The following ORC3 variants were observed in gnomAD, a reference collection of about 807,000 sequenced individuals.
ORC3 encodes the protein homolog of latheo, Drosophila.
Under a neutral mutation model 100.7 loss-of-function variants are expected in ORC3, and 78 were observed. That is an observed-to-expected ratio of 0.77 (90% CI 0.65 to 0.94). The LOEUF (loss-of-function observed/expected upper bound fraction) is 0.94. Among genes scored for constraint, ORC3 ranks in the 40% least tolerant of loss-of-function variants. ORC3 has a pLI of 0.00. For synonymous variants in ORC3, 295 were observed against 289.3 expected, an observed-to-expected ratio of 1.02 and a Z score of -0.20; for missense variants, 789 against 823.9, an observed-to-expected ratio of 0.96 and a Z score of 0.52.
chr6:87,651,993 G>A (rs1041914066), intron 13 of ORC3, among the ~76,000 whole-genome samples: 12 of 150,686 alleles, frequency 8.0e-5, no homozygotes, highest in East Asian at 1.9e-4. Flanking sequence ...CCGACTCCCC[G>A]GTTCCAGCGA....
chr6:87,598,701 G>A lies in ORC3; in HGVS notation c.80-3083G>A, dbSNP rs191835216. Among the ~76,000 whole-genome samples, 6 of 151,288 alleles carry A rather than the reference G, an allele frequency of 4.0e-5. No homozygotes were observed. The East Asian group carries it at 9.7e-4, about 24-fold the overall frequency. On this transcript the variant is annotated intron_variant, in intron 2 of 19. Transcript: ENST00000392844. ...TATGTGGCTCTAAGACCAACGGGTA[G>A]TGTTATAATACGAAAATCTTTGAGG...
At chr6:87,676,605 A>ACGCGCGCG in the ORC3 span, among the ~76,000 whole-genome samples, 42 of 73,962 alleles carry the variant, frequency 5.7e-4, no homozygotes, top group African/African-American at 1.6e-3. Flanking sequence ...AAACACACAC[A>ACGCGCGCG]CACACACACA....
chr6:87,654,377 T>C (rs1769505175), intron 14 of ORC3, among the ~76,000 whole-genome samples: 1 of 152,100 alleles, frequency 6.6e-6, no homozygotes, highest in Non-Finnish European at 1.5e-5. Context: ...TTCTTTCAGG[T>C]TATGTGTGGG....
intron 16 of ORC3, among the ~76,000 whole-genome samples, chr6:87,662,219 G>A (rs1045152899): frequency 6.6e-6 from 1 of 152,144 alleles, no homozygotes; most frequent in Non-Finnish European, 1.5e-5. Flanking sequence ...GAGGTCAAGA[G>A]TTCAAGACCA....
At chr6:87,639,870 C>T (rs1768108420) in intron 13 of ORC3, among the ~76,000 whole-genome samples, 1 of 148,408 alleles carries the variant, frequency 6.7e-6, no homozygotes, top group Non-Finnish European at 1.5e-5. Context: ...CATGGTGGTG[C>T]ACATCTGTGG....
chr6:87,666,936 C>T, intron 19 of ORC3, 82 bp from the exon 20 acceptor site: 28 of 733,568 alleles, frequency 3.8e-5, no homozygotes, highest in East Asian at 1.1e-4. Context: ...TTCATTTTAC[C>T]AACTAGTATT....
intron 11 of ORC3, among the ~76,000 whole-genome samples, chr6:87,625,493 T>A (rs1779834630): frequency 6.6e-6 from 1 of 152,242 alleles, no homozygotes; most frequent in South Asian, 2.1e-4. Flanking sequence ...GTAAATGTCT[T>A]CTTTTGAGAA....
At chr6:87,636,240 C>T (rs570977200) in intron 12 of ORC3, among the ~76,000 whole-genome samples, 167 bp from the exon 13 acceptor site, 1 of 152,242 alleles carries the variant, frequency 6.6e-6, no homozygotes, top group East Asian at 1.9e-4. Flanking sequence ...CCGTAAATTG[C>T]ATTCTTATAA....
chr6:87,595,645 C>G (rs549307884), intron 2 of ORC3, among the ~76,000 whole-genome samples: 25 of 152,250 alleles, frequency 1.6e-4, no homozygotes, highest in Non-Finnish European at 3.2e-4. Context: ...GCACCAGGGT[C>G]CCACACAGTT....
chr6:87,640,856 T>A (rs112184297), intron 13 of ORC3, among the ~76,000 whole-genome samples: 42 of 152,232 alleles, frequency 2.8e-4, no homozygotes, highest in African/African-American at 9.9e-4. Context: ...TCCCAACGCT[T>A]TGGGAGGCCA....
chr6:87,620,384 C>T (rs1023046331), intron 9 of ORC3, among the ~76,000 whole-genome samples: 1 of 152,194 alleles, frequency 6.6e-6, no homozygotes, highest in Non-Finnish European at 1.5e-5. Flanking sequence ...GGCCCTTTGC[C>T]TTACAGCCTT....
At chr6:87,633,862 T>C (rs1447300296) in intron 11 of ORC3, among the ~76,000 whole-genome samples, 2 of 152,202 alleles carry the variant, frequency 1.3e-5, no homozygotes. Flanking sequence ...TAAAATCATT[T>C]CTAAACTATT....
intron 5 of ORC3, among the ~76,000 whole-genome samples, chr6:87,606,716 TTTG>T (rs893648735): frequency 1.7e-4 from 26 of 151,910 alleles, no homozygotes; most frequent in African/African-American, 4.3e-4. Context: ...ATTGTGGGGT[TTTG>T]TTGTTGTTGT....
At chr6:87,646,255 G>C (rs1207331378) in intron 13 of ORC3, among the ~76,000 whole-genome samples, 2 of 151,922 alleles carry the variant, frequency 1.3e-5, no homozygotes, top group Non-Finnish European at 2.9e-5. Flanking sequence ...CAAAGTGCTG[G>C]GATTACAGGC....
chr6:87,651,456 T>C, intron 13 of ORC3: 1 of 335,018 alleles, frequency 3.0e-6, no homozygotes, highest in Admixed American at 3.7e-5. Flanking sequence ...CATAACTCTA[T>C]CTGGGCAATA....
intron 1 of ORC3, among the ~76,000 whole-genome samples, chr6:87,591,973 C>T (rs908566430): frequency 5.3e-5 from 8 of 151,966 alleles, no homozygotes; most frequent in African/African-American, 1.4e-4. Context: ...TCGAGTGATC[C>T]GCCAGCCTCG....
intron 13 of ORC3, among the ~76,000 whole-genome samples, chr6:87,641,147 T>C (rs910635783): frequency 6.6e-6 from 1 of 151,518 alleles, no homozygotes; most frequent in Admixed American, 6.6e-5. Context: ...TAAAGGAGTA[T>C]GTTGGATCAG....
intron 2 of ORC3, among the ~76,000 whole-genome samples, chr6:87,599,454 G>A (rs912669793): frequency 6.6e-6 from 1 of 151,686 alleles, no homozygotes; most frequent in Non-Finnish European, 1.5e-5. Flanking sequence ...TGCAACCTCT[G>A]CCTCCCAGGT....
rs187011208 is a variant in ORC3, at chr6:87,623,235, A to G, written c.1185+1222A>G. On this transcript the variant is annotated intron_variant, in intron 11 of 19. Transcript: ENST00000392844. ...ATGGCTTTTATTAAACATTATTTCTAATGTAGAATCCACACTGGGCCGTAA... is the reference window on the plus strand; with the variant it reads ...ATGGCTTTTATTAAACATTATTTCTGATGTAGAATCCACACTGGGCCGTAA... Among the ~76,000 whole-genome samples the G allele has an allele frequency of 9.8e-5, 15 of 152,320 alleles. 1 individual carries two copies. The highest frequency in any genetic ancestry group is 8.5e-4 in the Admixed American group (13 of 15,298).
Sources: allele counts gnomAD v4.1 joint callset (sites outside exome capture counted in the v4.1 genomes callset), GRCh38; gene constraint gnomAD v4.1.1; transcripts MANE v1.5; gene names NCBI Gene and HGNC (gene_info 2026-07-23, HGNC 2026-07-21).